LRP8: variants seen among roughly 807,000 people sequenced by gnomAD.
LRP8 encodes low-density lipoprotein receptor-related protein 8.
Under a neutral mutation model 111.6 loss-of-function variants are expected in LRP8, and 46 were observed. The ratio of observed to expected loss-of-function variants is 0.41; its 90% CI spans 0.33 to 0.53. LRP8 has a LOEUF of 0.53. Ranked by LOEUF, LRP8 falls within the 20% of genes least tolerant of loss-of-function variation. The probability of loss-of-function intolerance (pLI) is 0.20; values close to 1 mark genes in which losing one functional copy is unlikely to be tolerated. For synonymous variants in LRP8, 464 were observed against 511.2 expected, an observed-to-expected ratio of 0.91 and a Z score of 1.24; for missense variants, 959 against 1,297.4, an observed-to-expected ratio of 0.74 and a Z score of 4.01.
chr1:53,264,678 T>G (rs548726928), intron 9 of LRP8, among the ~76,000 whole-genome samples: 25 of 152,274 alleles, frequency 1.6e-4, no homozygotes, highest in African/African-American at 5.8e-4. Context: ...CATTAGAGGC[T>G]ATGGCAGCAG....
rs1386282038 is a variant in LRP8, at chr1:53,244,147, TTC to T, written c.*2869_*2870del. ...AAGAGTAAATAAGTACAGTTTCGTT[TTC>T]TCTGTTTCTAGAAGGCATTTCAGTT... On this transcript the variant is annotated 3_prime_UTR_variant, in exon 19 of 19. Coordinates refer to ENST00000306052, the MANE Select transcript of LRP8 (RefSeq NM_004631.5). The T allele has an allele frequency of 6.6e-6, 1 of 152,272 alleles. No individual in the cohort carries two copies. The highest frequency in any genetic ancestry group is 2.4e-5 in the African/African-American group (1 of 41,478). 9.4% of individuals were successfully genotyped at this position (152,272 alleles called of 1,614,324 possible). A position where few individuals can be genotyped will look rare whatever the true frequency, so the allele number is the denominator to read the frequency against.
At chr1:53,322,115 A>G (rs1047599953) in intron 2 of LRP8, among the ~76,000 whole-genome samples, 13 of 151,936 alleles carry the variant, frequency 8.6e-5, no homozygotes, top group African/African-American at 3.1e-4. Flanking sequence ...CCCTCCCACC[A>G]AGAACAACCT....
At chr1:53,290,413 A>G (rs989171521) in intron 2 of LRP8, among the ~76,000 whole-genome samples, 2 of 152,172 alleles carry the variant, frequency 1.3e-5, no homozygotes, top group Non-Finnish European at 2.9e-5. Flanking sequence ...AGGAGGAGCA[A>G]CAAGAAGTCG....
chr1:53,249,506 C>T lies in LRP8; in HGVS notation c.2727G>A (p.Glu909=), dbSNP rs1214450773. 6.2e-7 allele frequency: 1 copy of T among 1,613,126 alleles called. No individual in the cohort carries two copies. Among genetic ancestry groups the T allele is most frequent in the Non-Finnish European group, 8.5e-7 (1 of 1,179,224 alleles). The change falls in exon 18 of 19, where the codon GAG becomes GAA. Residue 909 remains glutamate (E), a synonymous_variant. Coordinates refer to ENST00000306052, the MANE Select transcript of LRP8 (RefSeq NM_004631.5). This position sits in a 1 kb window ranked among gnomAD's most constrained non-coding sequence, Gnocchi z 4.1. ...GGGCTGGGTCTTCCGGTTCTCTGGTCTCCCCAAGACAGGGCTCTGCCCACA... is the reference window on the plus strand; with the variant it reads ...GGGCTGGGTCTTCCGGTTCTCTGGTTTCCCCAAGACAGGGCTCTGCCCACA... The part of the protein sequence containing the change: ...RPLWAEPCLG[E]TREPEDPAPA...
At chr1:53,320,371 A>T (rs911242630) in intron 2 of LRP8, among the ~76,000 whole-genome samples, 1 of 151,946 alleles carries the variant, frequency 6.6e-6, no homozygotes, top group African/African-American at 2.4e-5. Context: ...TACAGTTCTG[A>T]CTCCAGTCCC....
chr1:53,276,427 G>A (rs1646919419), intron 5 of LRP8, among the ~76,000 whole-genome samples: 1 of 151,974 alleles, frequency 6.6e-6, no homozygotes, highest in Non-Finnish European at 1.5e-5. Context: ...TCGGGGGATG[G>A]GGGTGGGAAG....
At position 53,266,421 on chromosome 1, in the gene LRP8, C is replaced by T; in HGVS notation, c.1427+52G>A. 3 of 1,587,720 alleles carry T rather than the reference C, an allele frequency of 1.9e-6. No homozygotes were observed. The highest frequency in any genetic ancestry group is 2.6e-6 in the Non-Finnish European group (3 of 1,160,684). On this transcript the variant is annotated intron_variant, in intron 9 of 18. Coordinates refer to ENST00000306052, the MANE Select transcript of LRP8 (RefSeq NM_004631.5). This position sits in a 1 kb window ranked among gnomAD's most constrained non-coding sequence, Gnocchi z 5.0. ...CACTCCTCCCCTCCTCACCTGTCAC[C>T]ACCCCTCACCCCCACTCTTCATGCC...
chr1:53,298,300 C>A (rs1352801688), intron 2 of LRP8, among the ~76,000 whole-genome samples: 1 of 152,040 alleles, frequency 6.6e-6, no homozygotes, highest in African/African-American at 2.4e-5. Flanking sequence ...GTCTTCCTGT[C>A]CCAGTGATTT....
At position 53,262,468 on chromosome 1, in the gene LRP8, T is replaced by C; in HGVS notation, c.1752A>G (p.Glu584=). 3 of 1,614,230 alleles carry C rather than the reference T, an allele frequency of 1.9e-6. No homozygotes were observed. The highest frequency in any genetic ancestry group is 2.5e-6 in the Non-Finnish European group (3 of 1,180,032). ...CACCCAGGGTGATTCCGTTGGGCCA[T>C]TCAATATTGTCTGACACCAGTGTTT... ...DRQTLVSDNI[E]WPNGITLDLL... The change falls in exon 11 of 19, where the codon GAA becomes GAG. Residue 584 remains glutamate, a synonymous_variant. Coordinates refer to ENST00000306052, the MANE Select transcript of LRP8 (RefSeq NM_004631.5). The surrounding 1 kb of genome is among the most constrained non-coding windows in gnomAD (Gnocchi z 4.8).
At chr1:53,318,002 G>GT (rs1162291102) in intron 2 of LRP8, among the ~76,000 whole-genome samples, 2 of 152,312 alleles carry the variant, frequency 1.3e-5, no homozygotes, top group Admixed American at 1.3e-4. Context: ...GGCAAGGACT[G>GT]GCCAGCTCCA....
intron 3 of LRP8, among the ~76,000 whole-genome samples, chr1:53,285,754 C>T (rs898821048): frequency 1.5e-4 from 23 of 152,178 alleles, no homozygotes; most frequent in Non-Finnish European, 3.4e-4. Context: ...AGACCCCATC[C>T]CAGGACAGCC....
At chr1:53,324,468 A>G (rs554986602) in intron 2 of LRP8, among the ~76,000 whole-genome samples, 4 of 152,310 alleles carry the variant, frequency 2.6e-5, no homozygotes, top group African/African-American at 9.6e-5. Context: ...GTCTATGTGC[A>G]CAGCCAGCGT....
intron 2 of LRP8, among the ~76,000 whole-genome samples, chr1:53,316,156 C>A (rs775792452): frequency 6.6e-6 from 1 of 152,202 alleles, no homozygotes; most frequent in African/African-American, 2.4e-5. Flanking sequence ...TTGTTCAGAG[C>A]GGGAGTCTGG....
chr1:53,264,646 A>G (rs2100386344), intron 9 of LRP8, among the ~76,000 whole-genome samples: 1 of 152,312 alleles, frequency 6.6e-6, no homozygotes, highest in Non-Finnish European at 1.5e-5. Context: ...AGCCAGATAT[A>G]ATACAATGTG....
intron 2 of LRP8, among the ~76,000 whole-genome samples, chr1:53,312,260 A>G (rs1653138902): frequency 6.6e-6 from 1 of 152,172 alleles, no homozygotes; most frequent in Admixed American, 6.5e-5. Context: ...CCCTATCCAC[A>G]CAGCTCCCTA....
At chr1:53,278,101 G>A (rs1646985678) in intron 4 of LRP8, among the ~76,000 whole-genome samples, 5 of 152,232 alleles carry the variant, frequency 3.3e-5, no homozygotes, top group Admixed American at 2.6e-4. Flanking sequence ...TATAGATGGG[G>A]AAACTGAGGC....
At position 53,327,777 on chromosome 1, in the gene LRP8, G is replaced by T. The variant is rs1294733114; in HGVS notation, c.124+12C>A. ...GCGGAGCAGAGCCGAGTCAGAGACC[G>T]GCTGCACGCACCTTGGCCGCCGAGC... is the stretch of plus-strand genomic sequence containing the variant. On this transcript the variant is annotated intron_variant, in intron 1 of 18. Coordinates refer to ENST00000306052, the MANE Select transcript of LRP8 (RefSeq NM_004631.5). 4 of 1,507,934 alleles carry T rather than the reference G, an allele frequency of 2.7e-6. No homozygotes were observed. Among genetic ancestry groups the T allele is most frequent in the Admixed American group, 4.0e-5 (2 of 49,550 alleles). 93.4% of individuals were successfully genotyped at this position (1,507,934 alleles called of 1,614,324 possible).
intron 8 of LRP8, among the ~76,000 whole-genome samples, chr1:53,269,013 A>C (rs910137136): frequency 2.0e-5 from 3 of 152,178 alleles, no homozygotes; most frequent in African/African-American, 4.8e-5. Flanking sequence ...ATGTCACACC[A>C]TGTCCCTTCC....
chr1:53,316,966 T>A (rs1653891005), intron 2 of LRP8, among the ~76,000 whole-genome samples: 1 of 152,230 alleles, frequency 6.6e-6, no homozygotes, highest in East Asian at 1.9e-4. Flanking sequence ...TTGGGCAGAC[T>A]TAGCGGGTAT....
Sources: gnomAD v4.1 joint callset for allele counts (sites outside exome capture counted in the v4.1 genomes callset) on GRCh38, gnomAD v4.1.1 for gene constraint, Gnocchi (gnomAD v3.1) non-coding constraint, MANE v1.5 for transcripts, NCBI Gene and HGNC (gene_info 2026-07-23, HGNC 2026-07-21) for gene names.